The following PCDH15 variants were observed in gnomAD, a reference collection of about 807,000 sequenced individuals.
PCDH15 encodes protocadherin related 15.
In PCDH15, 129 loss-of-function variants were observed where a neutral mutation model predicts 178.5. The ratio of observed to expected loss-of-function variants is 0.72; its 90% CI spans 0.63 to 0.84. The LOEUF is 0.84. PCDH15 is among the 40% of genes least tolerant of loss of function. PCDH15 has a pLI of 0.00. For missense variants in PCDH15, 2,230 were observed against 2,099.9 expected (o/e 1.06, Z -1.21); for synonymous variants, 800 against 732.0 (o/e 1.09, Z -1.50).
At chr10:54,603,204 A>G (rs953491914) in intron 2 of PCDH15, among the ~76,000 whole-genome samples, 1 of 151,634 alleles carries the variant, frequency 6.6e-6, no homozygotes, top group African/African-American at 2.4e-5. Flanking sequence ...GGCTCTTTTT[A>G]TTTCTGAGAC....
At chr10:54,338,810 A>G (rs1047375321) in intron 6 of PCDH15, among the ~76,000 whole-genome samples, 17 of 152,118 alleles carry the variant, frequency 1.1e-4, no homozygotes, top group Non-Finnish European at 8.8e-5. Flanking sequence ...TCTCCTCCTT[A>G]TCACTTTAGG....
chr10:54,376,468 A>G (rs1445603394), intron 4 of PCDH15, among the ~76,000 whole-genome samples: 1 of 150,980 alleles, frequency 6.6e-6, no homozygotes, highest in East Asian at 1.9e-4. Context: ...GTATTAATAT[A>G]TATTTCATTA....
intron 2 of PCDH15, among the ~76,000 whole-genome samples, chr10:54,627,312 C>A (rs866546137): frequency 6.6e-6 from 1 of 152,060 alleles, no homozygotes; most frequent in African/African-American, 2.4e-5. Flanking sequence ...TGTGTCCCCA[C>A]CCAAATCTCA....
At chr10:54,257,246 T>C (rs1179804835) in intron 8 of PCDH15, among the ~76,000 whole-genome samples, 1 of 152,096 alleles carries the variant, frequency 6.6e-6, no homozygotes, top group East Asian at 1.9e-4. Flanking sequence ...TATGTGGAAC[T>C]CACCTACTGA....
chr10:54,006,260 G>A (rs1192137375), intron 20 of PCDH15, among the ~76,000 whole-genome samples: 1 of 152,096 alleles, frequency 6.6e-6, no homozygotes, highest in Non-Finnish European at 1.5e-5. Flanking sequence ...CAAGTTCACT[G>A]ACAAATATAA....
intron 3 of PCDH15, among the ~76,000 whole-genome samples, chr10:54,888,748 T>C (rs1410905372): frequency 6.6e-6 from 1 of 151,676 alleles, no homozygotes; most frequent in Non-Finnish European, 1.5e-5. Context: ...TGTTGTTTTT[T>C]TTCAGTACAC....
chr10:54,881,979 AG>A lies in PCDH15; in HGVS notation c.-29+15470del, dbSNP rs149053771. ...GTATTGCCTAAATATAAGTGCCATG[AG>A]GGCAAATTTCTTTTCTGTTTTGTTC... is the stretch of plus-strand genomic sequence containing the variant. On this transcript the variant is annotated intron_variant, in intron 3 of 5. Coordinates refer to the PCDH15 transcript ENST00000458638. Among the ~76,000 whole-genome samples, 130 of 152,256 alleles carry A rather than the reference AG, an allele frequency of 8.5e-4. 4 individuals carry two copies. In the East Asian group the frequency reaches 0.02, roughly 24 times the overall value.
rs183659921 is a variant in PCDH15 at position 54,830,170 on chromosome 10, A to G, written c.-29+67280T>C. ...ACTAGTTCAACCATTGTGGAAGTCA[A>G]TGTGGCGATTCCTCAGGGATCTAGA... On this transcript the variant is annotated intron_variant, in intron 3 of 5. Coordinates refer to the PCDH15 transcript ENST00000458638. 3.7e-3 allele frequency among the ~76,000 whole-genome samples: 563 copies of G among 152,152 alleles called. 1 individual carries two copies. Among genetic ancestry groups the G allele is most frequent in the African/African-American group, 0.013 (538 of 41,540 alleles).
chr10:54,605,173 TACC>T (rs1159012452), intron 2 of PCDH15, among the ~76,000 whole-genome samples: 1 of 151,956 alleles, frequency 6.6e-6, no homozygotes, highest in Non-Finnish European at 1.5e-5. Flanking sequence ...GTGATTTACC[TACC>T]ACAACCACAA....
At chr10:55,557,050 T>A (rs1412924545) in intron 2 of PCDH15, among the ~76,000 whole-genome samples, 9 of 152,182 alleles carry the variant, frequency 5.9e-5, no homozygotes. Flanking sequence ...GCTGCTTACA[T>A]TTTGTGCAAA....
At chr10:53,882,434 C>T (rs1189548425) in intron 26 of PCDH15, among the ~76,000 whole-genome samples, 7 of 152,182 alleles carry the variant, frequency 4.6e-5, no homozygotes, top group African/African-American at 1.7e-4. Context: ...CTTCGTCGCC[C>T]CCACTACCTG....
chr10:55,210,841 T>G (rs1178846625), intron 1 of PCDH15, among the ~76,000 whole-genome samples: 1 of 151,636 alleles, frequency 6.6e-6, no homozygotes, highest in African/African-American at 2.4e-5. Context: ...GTTGGCCGGA[T>G]GGTCTTGATC....
At chr10:54,339,084 G>A (rs888705595) in intron 6 of PCDH15, among the ~76,000 whole-genome samples, 1 of 152,120 alleles carries the variant, frequency 6.6e-6, no homozygotes, top group Admixed American at 6.5e-5. Flanking sequence ...ATTCAAGCTT[G>A]TCTAACCCAT....
chr10:54,028,793 TGG>T (rs200193520), intron 18 of PCDH15, among the ~76,000 whole-genome samples: 2 of 134,270 alleles, frequency 1.5e-5, no homozygotes, highest in African/African-American at 5.6e-5. Context: ...TGTTGTGGGG[TGG>T]GGGGAGGGGG....
At chr10:54,008,680 G>A (rs1272856089) in intron 20 of PCDH15, among the ~76,000 whole-genome samples, 5 of 151,370 alleles carry the variant, frequency 3.3e-5, no homozygotes, top group South Asian at 2.1e-4. Flanking sequence ...TCTATTTTTC[G>A]ATCTGGGAAG....
chr10:55,418,799 T>A (rs1838548839), intron 2 of PCDH15, among the ~76,000 whole-genome samples: 1 of 151,844 alleles, frequency 6.6e-6, no homozygotes. Context: ...TGACAAGTTC[T>A]CTTATTGTTG....
chr10:54,513,162 A>G (rs912562702), intron 3 of PCDH15, among the ~76,000 whole-genome samples: 12 of 151,738 alleles, frequency 7.9e-5, no homozygotes, highest in Admixed American at 7.2e-4. Context: ...TTAATTTGTG[A>G]TAGTATGGGT....
intron 2 of PCDH15, among the ~76,000 whole-genome samples, chr10:54,648,589 G>T (rs2094185812): frequency 6.6e-6 from 1 of 152,080 alleles, no homozygotes. Flanking sequence ...ACATTATTAA[G>T]TGTGTTATCT....
At chr10:54,336,939 G>C (rs1327654665) in intron 6 of PCDH15, among the ~76,000 whole-genome samples, 1 of 152,148 alleles carries the variant, frequency 6.6e-6, no homozygotes, top group African/African-American at 2.4e-5. Context: ...AACAGGGGTG[G>C]AGCTGCCCAA....
Sources: allele counts gnomAD v4.1 joint callset (sites outside exome capture counted in the v4.1 genomes callset), GRCh38; gene constraint gnomAD v4.1.1; transcripts MANE v1.5; gene names NCBI Gene and HGNC (gene_info 2026-07-23, HGNC 2026-07-21).